The following ABL2 variants were observed in gnomAD, a reference collection of about 807,000 sequenced individuals.
ABL2 encodes the protein ABL proto-oncogene 2, non-receptor tyrosine kinase, also known as tyrosine-protein kinase ABL2.
In ABL2, 49 loss-of-function variants were observed where a neutral mutation model predicts 107.7. The observed-to-expected ratio is 0.45, with a 90% CI of 0.36 to 0.58. The LOEUF (loss-of-function observed/expected upper bound fraction) is 0.58. ABL2 is among the 20% of genes least tolerant of loss of function. ABL2 has a pLI of 0.00. For synonymous variants in ABL2, 549 were observed against 548.6 expected (o/e 1.00, Z -0.01); for missense variants, 1,245 against 1,457.0 (o/e 0.85, Z 2.37).
Position 179,106,564 on chromosome 1 carries a change from A to G in ABL2, c.*1154T>C. 4.3e-6 allele frequency: 1 copy of G among 233,084 alleles called. No homozygotes were observed. Among genetic ancestry groups the G allele is most frequent in the Non-Finnish European group, 8.5e-6 (1 of 117,962 alleles). 14.4% of individuals were successfully genotyped at this position (233,084 alleles called of 1,614,324 possible). A position where few individuals can be genotyped will look rare whatever the true frequency, so the allele number is the denominator to read the frequency against. ...GGGGTGATTCACTTCAAATCCATAG[A>G]GAGGAGAATGCCTCTCCCTATTCTC... On this transcript the variant is annotated 3_prime_UTR_variant, in exon 12 of 12. Transcript: ENST00000502732.
At chr1:179,162,196 T>C (rs778112643) in intron 1 of ABL2, among the ~76,000 whole-genome samples, 12 of 152,188 alleles carry the variant, frequency 7.9e-5, no homozygotes, top group Non-Finnish European at 1.8e-4. Context: ...AAGTGTTCCA[T>C]AGTCAAATAA....
chr1:179,190,643 C>T (rs1453513367), intron 1 of ABL2, among the ~76,000 whole-genome samples: 1 of 151,934 alleles, frequency 6.6e-6, no homozygotes, highest in East Asian at 1.9e-4. Flanking sequence ...GTGATGAAAG[C>T]CCCAACCTTC....
rs545430826 is a variant in ABL2, at chr1:179,103,911, G to A, written c.*3807C>T. 41 of 232,828 alleles carry A rather than the reference G, an allele frequency of 1.8e-4. No homozygotes were observed. The highest frequency in any genetic ancestry group is 7.9e-4 in the African/African-American group (36 of 45,412). 14.4% of individuals were successfully genotyped at this position (232,828 alleles called of 1,614,324 possible). On this transcript the variant is annotated 3_prime_UTR_variant, in exon 12 of 12. Coordinates refer to ENST00000502732, the MANE Select transcript of ABL2 (RefSeq NM_007314.4). ...AGTTTCTTAATCTATAAACCAAAGG[G>A]TTGGGGTACTGATAGTTTTCAGATA... is the stretch of plus-strand genomic sequence containing the variant.
rs752942660 is a variant in ABL2, at chr1:179,108,703, C to G, written c.2564G>C (p.Arg855Thr). 6.2e-7 allele frequency: 1 copy of G among 1,614,152 alleles called. No homozygotes were observed. The highest frequency in any genetic ancestry group is 1.3e-5 in the African/African-American group (1 of 75,062). The change falls in exon 12 of 12, where the codon AGA (arginine) becomes ACA (threonine). Residue 855 changes from arginine to threonine, a missense_variant. Physicochemically the swap from Arg to Thr is moderately conservative, Grantham distance 71. Transcript: ENST00000502732. ...RERPKAKLLP[R>T]GATALPLRTP... ...TCTGAGAGGAAGAGCTGTGGCTCCT[C>G]TGGGCAATAACTTGGCTTTTGGTCT...
rs1572593380 is a variant in ABL2, at chr1:179,105,276, G to C, written c.*2442C>G. 1 of 231,168 alleles carries C rather than the reference G, an allele frequency of 4.3e-6. No homozygotes were observed. Among genetic ancestry groups the C allele is most frequent in the South Asian group, 1.8e-4 (1 of 5,498 alleles). The allele number at this position is 231,168 out of a possible 1,614,324, so 14.3% of individuals were successfully genotyped here. On this transcript the variant is annotated 3_prime_UTR_variant, in exon 12 of 12. Coordinates refer to ENST00000502732, the MANE Select transcript of ABL2 (RefSeq NM_007314.4). ...CTCAGTAGTGTTTCTCCAAGGCTTA[G>C]TTCCAGAACTCTCAAGGGAAAATAG...
intron 1 of ABL2, among the ~76,000 whole-genome samples, chr1:179,176,264 G>A (rs1464378492): frequency 3.3e-5 from 5 of 152,058 alleles, no homozygotes; most frequent in African/African-American, 1.2e-4. Flanking sequence ...ATAAGATCTA[G>A]TATTTGATAG....
At chr1:179,135,237 A>T (rs542177769) in intron 1 of ABL2, among the ~76,000 whole-genome samples, 23 of 146,660 alleles carry the variant, frequency 1.6e-4, no homozygotes, top group Non-Finnish European at 3.1e-4. Context: ...CCCAGTCTGG[A>T]AAGTGAGGAG....
intron 2 of ABL2, among the ~76,000 whole-genome samples, chr1:179,132,257 G>A (rs1282022934): frequency 6.6e-6 from 1 of 152,166 alleles, no homozygotes; most frequent in East Asian, 1.9e-4. Flanking sequence ...TCTACTCAAA[G>A]TGGTCCAAGC....
At chr1:179,136,273 G>A (rs1189645632) in intron 1 of ABL2, among the ~76,000 whole-genome samples, 1 of 151,718 alleles carries the variant, frequency 6.6e-6, no homozygotes, top group Non-Finnish European at 1.5e-5. Flanking sequence ...AGAAAGGGGG[G>A]AAAGGTGGGG....
At chr1:179,110,216 T>C in intron 11 of ABL2, 66 bp downstream of exon 11, 1 of 1,584,624 alleles carries the variant, frequency 6.3e-7, no homozygotes, top group Non-Finnish European at 8.6e-7. Flanking sequence ...CATAAAAGCC[T>C]CACACCCCAT....
intron 1 of ABL2, among the ~76,000 whole-genome samples, chr1:179,169,440 C>T (rs1315796085): frequency 2.0e-5 from 3 of 151,734 alleles, no homozygotes; most frequent in African/African-American, 7.3e-5. Context: ...CCCAGCTACT[C>T]GGGAGGCTGA....
intron 1 of ABL2, among the ~76,000 whole-genome samples, chr1:179,136,743 A>AATAAAT (rs775233546): frequency 1.2e-3 from 95 of 80,380 alleles, no homozygotes; most frequent in Middle Eastern, 0.012. Flanking sequence ...TAAATAAATA[A>AATAAAT]AAATAAAAAT....
intron 9 of ABL2, 42 bp downstream of exon 9, chr1:179,114,836 C>T: frequency 1.3e-6 from 2 of 1,558,964 alleles, no homozygotes; most frequent in Non-Finnish European, 1.7e-6. Flanking sequence ...TTCTGAACTG[C>T]TAGCTTATGC....
chr1:179,135,245 G>A (rs1300911724), intron 1 of ABL2, among the ~76,000 whole-genome samples: 2 of 151,610 alleles, frequency 1.3e-5, no homozygotes, highest in East Asian at 2.0e-4. Flanking sequence ...GGAAAGTGAG[G>A]AGCATCTCTG....
At chr1:179,134,864 C>T (rs1471578736) in intron 1 of ABL2, among the ~76,000 whole-genome samples, 2 of 152,216 alleles carry the variant, frequency 1.3e-5, no homozygotes, top group African/African-American at 2.4e-5. Context: ...TGAGTGCCTG[C>T]GAGTGCAGGC....
chr1:179,202,821 A>T (rs550653830), intron 1 of ABL2, among the ~76,000 whole-genome samples: 2 of 152,362 alleles, frequency 1.3e-5, no homozygotes, highest in Admixed American at 6.5e-5. Context: ...GATGTTAAAT[A>T]GTGTGAAAAG....
intron 9 of ABL2, among the ~76,000 whole-genome samples, chr1:179,113,791 C>T (rs1235070568): frequency 2.6e-5 from 4 of 152,052 alleles, no homozygotes; most frequent in South Asian, 4.1e-4. Flanking sequence ...ATTAGCCGGG[C>T]GTGGTGGCGG....
chr1:179,197,566 A>T (rs1199248227), intron 1 of ABL2, among the ~76,000 whole-genome samples: 1 of 151,446 alleles, frequency 6.6e-6, no homozygotes, highest in Non-Finnish European at 1.5e-5. Context: ...CAAAAAAAAA[A>T]AAAAAAAATT....
At chr1:179,128,820 T>C (rs1271104829) in intron 3 of ABL2, among the ~76,000 whole-genome samples, 1 of 152,116 alleles carries the variant, frequency 6.6e-6, no homozygotes, top group Non-Finnish European at 1.5e-5. Flanking sequence ...AGTACCTGGG[T>C]CTACAGGTGC....
Sources: gnomAD v4.1 joint callset for allele counts (sites outside exome capture counted in the v4.1 genomes callset) on GRCh38, gnomAD v4.1.1 for gene constraint, MANE v1.5 for transcripts, NCBI Gene and HGNC (gene_info 2026-07-23, HGNC 2026-07-21) for gene names.